ZCCHC24: variants seen among roughly 807,000 people sequenced by gnomAD.
ZCCHC24 encodes the protein zinc finger CCHC domain-containing protein 24.
ZCCHC24 carries 10 observed loss-of-function variants against 26.2 expected under a neutral mutation model. The observed-to-expected ratio is 0.38, with a 90% CI of 0.24 to 0.65. The LOEUF is 0.65. Among genes scored for constraint, ZCCHC24 ranks in the 30% least tolerant of loss-of-function variants. The pLI, the probability that ZCCHC24 is intolerant of heterozygous loss-of-function variation, is 0.54. For missense variants in ZCCHC24, 243 were observed against 329.1 expected, an observed-to-expected ratio of 0.74 and a Z score of 2.03; for synonymous variants, 144 against 147.1, an observed-to-expected ratio of 0.98 and a Z score of 0.15.
At chr10:79,402,045 G>T (rs1220639110) in intron 2 of ZCCHC24, among the ~76,000 whole-genome samples, 1 of 152,222 alleles carries the variant, frequency 6.6e-6, no homozygotes, top group African/African-American at 2.4e-5. Context: ...TCCACAGAGG[G>T]GGCGCAGGGC....
chr10:79,424,318 G>A (rs1375348512), intron 2 of ZCCHC24, among the ~76,000 whole-genome samples: 1 of 152,208 alleles, frequency 6.6e-6, no homozygotes, highest in African/African-American at 2.4e-5. Flanking sequence ...CACAGTAGAT[G>A]TTCAATAAAT....
chr10:79,419,839 C>T (rs1401951454), intron 2 of ZCCHC24, among the ~76,000 whole-genome samples: 1 of 152,130 alleles, frequency 6.6e-6, no homozygotes, highest in Non-Finnish European at 1.5e-5. Context: ...CTGCCAACAT[C>T]TCTGTCCCTA....
chr10:79,398,546 G>A (rs1856579091), intron 2 of ZCCHC24, among the ~76,000 whole-genome samples: 1 of 147,776 alleles, frequency 6.8e-6, no homozygotes. Context: ...AGTCCCAGGA[G>A]GATGGTTCCA....
intron 2 of ZCCHC24, among the ~76,000 whole-genome samples, chr10:79,408,367 A>C (rs1330374944): frequency 6.6e-6 from 1 of 152,100 alleles, no homozygotes; most frequent in Non-Finnish European, 1.5e-5. Context: ...CATGTATCTG[A>C]CCAGCTTGAT....
intron 1 of ZCCHC24, among the ~76,000 whole-genome samples, chr10:79,439,086 C>T (rs1018426983): frequency 6.6e-6 from 1 of 152,200 alleles, no homozygotes; most frequent in African/African-American, 2.4e-5. Context: ...ATCTGTGATC[C>T]ACTGTGGGCA....
chr10:79,432,480 G>A (rs905163922), intron 2 of ZCCHC24, 78 bp downstream of exon 2: 61 of 1,464,070 alleles, frequency 4.2e-5, no homozygotes, highest in South Asian at 3.9e-4. Context: ...ACACTGCTTC[G>A]CCTGCCCTAC....
intron 1 of ZCCHC24, among the ~76,000 whole-genome samples, chr10:79,434,956 C>G (rs1276390208): frequency 1.3e-5 from 2 of 152,088 alleles, no homozygotes; most frequent in African/African-American, 4.8e-5. Context: ...TACAACCAGC[C>G]CAGCCCCACC....
intron 2 of ZCCHC24, among the ~76,000 whole-genome samples, chr10:79,416,901 C>T (rs774801584): frequency 7.9e-5 from 12 of 152,086 alleles, no homozygotes; most frequent in Non-Finnish European, 1.2e-4. Context: ...ACACAGTGAG[C>T]GCTCCCTGTG....
chr10:79,409,724 G>A (rs1316753179), intron 2 of ZCCHC24, among the ~76,000 whole-genome samples: 2 of 152,244 alleles, frequency 1.3e-5, no homozygotes, highest in Admixed American at 1.3e-4. Flanking sequence ...TATTGTCCCT[G>A]ATGGTCCAGG....
intron 3 of ZCCHC24, among the ~76,000 whole-genome samples, chr10:79,388,405 C>T (rs1014034575): frequency 6.6e-6 from 1 of 152,206 alleles, no homozygotes; most frequent in Non-Finnish European, 1.5e-5. Flanking sequence ...TGGGTGCCCT[C>T]AGGGCTGGAG....
intron 2 of ZCCHC24, among the ~76,000 whole-genome samples, chr10:79,397,463 G>A (rs1304659452): frequency 6.6e-6 from 1 of 152,168 alleles, no homozygotes; most frequent in Non-Finnish European, 1.5e-5. Context: ...TGTTTCTGGT[G>A]CTACCTTCTC....
Position 79,386,551 on chromosome 10 carries a change from A to T in ZCCHC24, c.613-93T>A, listed in dbSNP as rs564020390. ...CAGGGAGAGACACACAGAGACAGAC[A>T]GGTGAGACAGGTACACAGGGAGGGG... On this transcript the variant is annotated intron_variant, in intron 3 of 3. Transcript: ENST00000372336. The T allele has an allele frequency of 1.7e-5, 16 of 946,216 alleles. No individual in the cohort carries two copies. In the East Asian group the frequency reaches 3.9e-4, roughly 23 times the overall value. The allele number at this position is 946,216 out of a possible 1,614,324, so 58.6% of individuals were successfully genotyped here.
At chr10:79,395,093 G>A (rs908528453) in intron 2 of ZCCHC24, among the ~76,000 whole-genome samples, 3 of 151,912 alleles carry the variant, frequency 2.0e-5, no homozygotes, top group Admixed American at 6.6e-5. Context: ...TTATTTTTTC[G>A]AGACAGGGTC....
intron 2 of ZCCHC24, among the ~76,000 whole-genome samples, chr10:79,416,337 T>G (rs1589669712): frequency 6.6e-6 from 1 of 152,306 alleles, no homozygotes; most frequent in Admixed American, 6.5e-5. Context: ...CTATGGCTGG[T>G]TAGAACCAAA....
intron 3 of ZCCHC24, among the ~76,000 whole-genome samples, chr10:79,393,889 G>C (rs1040514238): frequency 6.6e-6 from 1 of 152,094 alleles, no homozygotes; most frequent in African/African-American, 2.4e-5. Context: ...CCTGAGGTAA[G>C]ACCTTCCTAG....
intron 2 of ZCCHC24, among the ~76,000 whole-genome samples, chr10:79,419,121 G>T (rs7895288): frequency 6.6e-6 from 1 of 152,128 alleles, no homozygotes; most frequent in South Asian, 2.1e-4. Flanking sequence ...GGCTCCGGTG[G>T]GTGTTGCTTC....
intron 2 of ZCCHC24, among the ~76,000 whole-genome samples, chr10:79,408,513 T>C (rs761338300): frequency 6.6e-6 from 1 of 152,146 alleles, no homozygotes; most frequent in African/African-American, 2.4e-5. Context: ...TCGACAACTA[T>C]GAATTAGGCA....
intron 3 of ZCCHC24, among the ~76,000 whole-genome samples, chr10:79,394,026 T>C (rs1273226502): frequency 6.6e-6 from 1 of 152,200 alleles, no homozygotes; most frequent in East Asian, 1.9e-4. Context: ...TGTCCGCACA[T>C]CTCTGTCTCA....
At chr10:79,444,987 G>A (rs1857343107) in intron 1 of ZCCHC24, among the ~76,000 whole-genome samples, 2 of 152,312 alleles carry the variant, frequency 1.3e-5, no homozygotes, top group South Asian at 4.1e-4. Context: ...TCCAGCCCGG[G>A]CTCAGCCGGG....
Sources: allele counts gnomAD v4.1 joint callset (sites outside exome capture counted in the v4.1 genomes callset), GRCh38; gene constraint gnomAD v4.1.1; transcripts MANE v1.5; gene names NCBI Gene and HGNC (gene_info 2026-07-23, HGNC 2026-07-21).